The following CHIC2 variants were observed in gnomAD, a reference collection of about 807,000 sequenced individuals.
CHIC2 encodes the protein cysteine-rich hydrophobic domain-containing protein 2.
CHIC2 carries 14 observed loss-of-function variants against 25.9 expected under a neutral mutation model. The observed-to-expected ratio is 0.54, with a 90% confidence interval of 0.36 to 0.85. CHIC2 has a LOEUF of 0.85. Among genes scored for constraint, CHIC2 ranks in the 40% least tolerant of loss-of-function variants. The pLI is 0.01. For synonymous variants in CHIC2, 70 were observed against 72.0 expected (o/e 0.97, Z 0.14); for missense variants, 146 against 202.0 (o/e 0.72, Z 1.68).
the CHIC2 span, among the ~76,000 whole-genome samples, chr4:54,070,999 T>A: frequency 6.6e-6 from 1 of 152,152 alleles, no homozygotes; most frequent in Non-Finnish European, 1.5e-5. Context: ...AAAATAGCAC[T>A]TCTGCTCCAA....
chr4:54,028,943 T>C (rs1716140667), intron 3 of CHIC2, among the ~76,000 whole-genome samples: 1 of 151,994 alleles, frequency 6.6e-6, no homozygotes, highest in Non-Finnish European at 1.5e-5. Flanking sequence ...GCCAACATGG[T>C]GAAACCCCGT....
At chr4:54,089,524 A>G in the CHIC2 span, among the ~76,000 whole-genome samples, 1 of 152,136 alleles carries the variant, frequency 6.6e-6, no homozygotes, top group African/African-American at 2.4e-5. Flanking sequence ...TGTTTATACA[A>G]TACCTTGTTC....
At position 54,055,291 on chromosome 4, in the gene CHIC2, G is replaced by A. The variant is rs192518233; in HGVS notation, c.120-5986C>T. On this transcript the variant is annotated intron_variant, in intron 1 of 5. Coordinates refer to ENST00000263921, the MANE Select transcript of CHIC2 (RefSeq NM_012110.4). ...AACTGACTTAAGAAATACATTAAGCGTAAGGCAGAAGGGAGACTGGCAATT... is the reference window on the plus strand; with the variant it reads ...AACTGACTTAAGAAATACATTAAGCATAAGGCAGAAGGGAGACTGGCAATT... 2.7e-3 allele frequency among the ~76,000 whole-genome samples: 416 copies of A among 152,186 alleles called. 1 individual carries two copies. The highest frequency in any genetic ancestry group is 9.4e-3 in the African/African-American group (389 of 41,506).
chr4:54,037,807 C>A (rs1164716700), intron 3 of CHIC2, among the ~76,000 whole-genome samples: 1 of 151,884 alleles, frequency 6.6e-6, no homozygotes, highest in African/African-American at 2.4e-5. Context: ...TCTTGATAAT[C>A]CATGACTCAG....
At chr4:54,032,884 TG>T in intron 3 of CHIC2, among the ~76,000 whole-genome samples, 1 of 152,194 alleles carries the variant, frequency 6.6e-6, no homozygotes, top group Admixed American at 6.5e-5. Context: ...CATGTTGAAA[TG>T]TAATCCCCAG....
At chr4:54,067,462 C>T (rs1286055031), upstream of CHIC2, among the ~76,000 whole-genome samples, 1 of 152,032 alleles carries the variant, frequency 6.6e-6, no homozygotes, top group East Asian at 1.9e-4. Flanking sequence ...CAACCCTCCA[C>T]CTCCGCCCTG....
At chr4:54,028,855 C>T (rs13134208) in intron 3 of CHIC2, among the ~76,000 whole-genome samples, 41,428 of 152,080 alleles carry the variant, frequency 0.27, 6,481 homozygotes, top group Middle Eastern at 0.4. Flanking sequence ...CTGGGCGCAG[C>T]GGCTCACGCC....
chr4:54,090,796 T>C, the CHIC2 span, among the ~76,000 whole-genome samples: 2 of 151,994 alleles, frequency 1.3e-5, no homozygotes, highest in Non-Finnish European at 2.9e-5. Flanking sequence ...AAGGGTGAGG[T>C]TGGGTTGGAG....
chr4:54,012,613 C>T (rs1303965974), intron 5 of CHIC2, among the ~76,000 whole-genome samples: 2 of 151,796 alleles, frequency 1.3e-5, no homozygotes, highest in Non-Finnish European at 1.5e-5. Context: ...CCTATCCATC[C>T]CTCTCCCCAA....
intron 3 of CHIC2, among the ~76,000 whole-genome samples, chr4:54,048,277 A>T (rs1319142628): frequency 6.6e-6 from 1 of 152,216 alleles, no homozygotes; most frequent in African/African-American, 2.4e-5. Context: ...GGCATGAGCC[A>T]CTGTGCCTGG....
At chr4:54,088,086 C>A in the CHIC2 span, among the ~76,000 whole-genome samples, 1 of 152,154 alleles carries the variant, frequency 6.6e-6, no homozygotes, top group Non-Finnish European at 1.5e-5. Context: ...TTTGACACTA[C>A]ACAATTTTCT....
intron 3 of CHIC2, among the ~76,000 whole-genome samples, chr4:54,046,117 A>G (rs1161811819): frequency 1.3e-5 from 2 of 152,276 alleles, no homozygotes; most frequent in Admixed American, 6.5e-5. Context: ...CTCTTCAAGG[A>G]GAACTACAAA....
chr4:54,013,549 C>T (rs772710452), intron 5 of CHIC2, among the ~76,000 whole-genome samples: 2 of 152,064 alleles, frequency 1.3e-5, no homozygotes, highest in African/African-American at 2.4e-5. Context: ...ATTCTTTATA[C>T]AGCATCTAAA....
At chr4:54,087,210 C>A in the CHIC2 span, 1 of 658,694 alleles carries the variant, frequency 1.5e-6, no homozygotes, top group South Asian at 1.7e-5. Flanking sequence ...GCACCTCAGA[C>A]CCCAGGGAAG....
At chr4:54,018,045 T>C (rs1410352823) in intron 3 of CHIC2, among the ~76,000 whole-genome samples, 1 of 152,202 alleles carries the variant, frequency 6.6e-6, no homozygotes, top group East Asian at 1.9e-4. Flanking sequence ...TTTTGGCTTC[T>C]ATTTATATTG....
chr4:54,042,728 C>G (rs1168365942), intron 3 of CHIC2, among the ~76,000 whole-genome samples: 1 of 151,762 alleles, frequency 6.6e-6, no homozygotes, highest in Non-Finnish European at 1.5e-5. Flanking sequence ...AAAAAATGTT[C>G]TGTAGTGCAA....
At chr4:54,030,515 T>C (rs111572672) in intron 3 of CHIC2, among the ~76,000 whole-genome samples, 22 of 130,818 alleles carry the variant, frequency 1.7e-4, no homozygotes, top group African/African-American at 6.9e-4. Context: ...AGAGTCCCTA[T>C]CTCAAAAGAA....
chr4:54,047,797 A>G (rs1055128545), intron 3 of CHIC2, among the ~76,000 whole-genome samples: 3 of 152,078 alleles, frequency 2.0e-5, no homozygotes, highest in Non-Finnish European at 1.5e-5. Context: ...TTTAACGTAT[A>G]ATAATTAAAA....
chr4:54,026,587 T>C (rs1015638147), intron 3 of CHIC2, among the ~76,000 whole-genome samples: 4 of 152,220 alleles, frequency 2.6e-5, no homozygotes, highest in Non-Finnish European at 5.9e-5. Flanking sequence ...TTACAGATAT[T>C]ATTCTGAGAT....
Sources: allele counts gnomAD v4.1 joint callset (sites outside exome capture counted in the v4.1 genomes callset), GRCh38; gene constraint gnomAD v4.1.1; transcripts MANE v1.5; gene names NCBI Gene and HGNC (gene_info 2026-07-23, HGNC 2026-07-21).